The following MAP3K15 variants were observed in gnomAD, a reference collection of about 807,000 sequenced individuals.
MAP3K15 encodes the protein MAPK/ERK kinase kinase 15.
Under a neutral mutation model 99.5 loss-of-function variants are expected in MAP3K15, and 124 were observed. The observed-to-expected ratio is 1.25, with a 90% confidence interval of 1.08 to 1.45. MAP3K15 has a LOEUF of 1.45. Among genes scored for constraint, MAP3K15 ranks in the 40% most tolerant of loss-of-function variants. The pLI, the probability that MAP3K15 is intolerant of heterozygous loss-of-function variation, is 0.00. For synonymous variants in MAP3K15, 494 were observed against 439.6 expected (o/e 1.12, Z -1.55); for missense variants, 1,242 against 1,079.7 (o/e 1.15, Z -2.11).
At chrX:19,509,464 G>T (rs1300580593) in intron 1 of MAP3K15, among the ~76,000 whole-genome samples, 1 of 111,906 alleles carries the variant, frequency 8.9e-6, no homozygotes, top group African/African-American at 3.3e-5. Flanking sequence ...CAACTACGTG[G>T]AAACTGAACA....
intron 25 of MAP3K15, among the ~76,000 whole-genome samples, chrX:19,367,466 T>TAA (rs755577901): frequency 1.0e-5 from 1 of 100,115 alleles, no homozygotes; most frequent in Non-Finnish European, 2.1e-5. Flanking sequence ...CTCTTGAACT[T>TAA]AAAAAAAAAA....
chrX:19,498,476 T>TA (rs2064420795), intron 1 of MAP3K15, among the ~76,000 whole-genome samples: 1 of 111,824 alleles, frequency 8.9e-6, no homozygotes, highest in South Asian at 3.8e-4. Flanking sequence ...AACTCAGACC[T>TA]ATAAAGCAAA....
intron 1 of MAP3K15, among the ~76,000 whole-genome samples, chrX:19,511,294 G>T (rs1204879024): frequency 8.9e-6 from 1 of 111,769 alleles, no homozygotes; most frequent in South Asian, 3.7e-4. Context: ...CAAAAGCAAC[G>T]GCAACAAAAG....
intron 25 of MAP3K15, among the ~76,000 whole-genome samples, chrX:19,367,573 G>A (rs1470515879): frequency 1.1e-5 from 1 of 91,094 alleles, no homozygotes; most frequent in African/African-American, 6.5e-5. Context: ...GAACTTGAGA[G>A]ATCCCTGACA....
chrX:19,495,945 G>C (rs891139123), intron 1 of MAP3K15, among the ~76,000 whole-genome samples: 3 of 110,778 alleles, frequency 2.7e-5, no homozygotes, highest in Non-Finnish European at 3.8e-5. Context: ...GACAGAGTGA[G>C]ACCCCATCTC....
At chrX:19,400,701 G>C in intron 13 of MAP3K15, 38 bp from the exon 14 acceptor site, 1 of 936,308 alleles carries the variant, frequency 1.1e-6, no homozygotes, top group Non-Finnish European at 1.5e-6. Context: ...TGCCAACTCA[G>C]AACTGCTCTC....
At chrX:19,369,464 G>A (rs186716442) in intron 24 of MAP3K15, among the ~76,000 whole-genome samples, 1 of 112,014 alleles carries the variant, frequency 8.9e-6, no homozygotes, top group East Asian at 2.8e-4. Flanking sequence ...AGTGAACCAA[G>A]GCCAGCGTTC....
chrX:19,393,397 G>A (rs1284712029), intron 16 of MAP3K15, among the ~76,000 whole-genome samples: 1 of 112,068 alleles, frequency 8.9e-6, no homozygotes, highest in African/African-American at 3.2e-5. Flanking sequence ...TTGGGAGGCC[G>A]AGGCGGGCAG....
At chrX:19,461,003 AG>A (rs2064129671) in intron 4 of MAP3K15, among the ~76,000 whole-genome samples, 2 of 97,778 alleles carry the variant, frequency 2.0e-5, no homozygotes, top group African/African-American at 8.6e-5. Flanking sequence ...TTCTTAAGAC[AG>A]AGTCTCGCAC....
At position 19,507,527 on chromosome X, in the gene MAP3K15, G is replaced by A. The variant is rs778252710; in HGVS notation, c.361+7374C>T. ...AGGGAGGTCAAGGCTGCGGTGAGCC[G>A]TGATCGCGCTACTGCACTCCAGCCT... On this transcript the variant is annotated intron_variant, in intron 1 of 28. Coordinates refer to ENST00000338883, the MANE Select transcript of MAP3K15 (RefSeq NM_001001671.4). 1.9e-4 allele frequency among the ~76,000 whole-genome samples: 17 copies of A among 87,998 alleles called. No individual in the cohort carries two copies. In the East Asian group the frequency reaches 2.0e-3, roughly 10 times the overall value. The allele number at this position is 87,998 out of a possible 115,157, so 76.4% of individuals were successfully genotyped here.
chrX:19,437,141 A>G (rs1160820990), intron 6 of MAP3K15, among the ~76,000 whole-genome samples: 1 of 111,688 alleles, frequency 9.0e-6, no homozygotes, highest in East Asian at 2.8e-4. Context: ...ACTGGCTTTT[A>G]TTTCAAACTA....
chrX:19,360,878 A>G, intron 28 of MAP3K15, 45 bp from the exon 29 acceptor site: 1 of 1,002,378 alleles, frequency 1.0e-6, no homozygotes. Flanking sequence ...GCTTCAAGCC[A>G]ACAGAGCTTA....
In MAP3K15 at chrX:19,514,810, C is replaced by CGGGGGAGAA. The variant is rs2064549555; in HGVS notation, c.361+82_361+90dup. On this transcript the variant is annotated intron_variant, in intron 1 of 28. Transcript: ENST00000338883. ...GGGAGGGGGACGAGGGGGAGGGGGA[C>CGGGGGAGAA]GGGGGAGAAGGGCGAGGGGGCGGGG... 2.8e-5 allele frequency: 3 copies of CGGGGGAGAA among 107,782 alleles called. No homozygotes were observed. In the East Asian group the frequency reaches 4.9e-4, roughly 18 times the overall value. 8.9% of individuals were successfully genotyped at this position (107,782 alleles called of 1,213,427 possible).
At chrX:19,413,677 T>TGGGG (rs377184850) in intron 10 of MAP3K15, among the ~76,000 whole-genome samples, 17 of 15,851 alleles carry the variant, frequency 1.1e-3, no homozygotes, top group African/African-American at 5.2e-3. Flanking sequence ...TGCCATCTCT[T>TGGGG]GGGGGGGGGG....
At chrX:19,423,367 T>C (rs1278360956) in intron 9 of MAP3K15, among the ~76,000 whole-genome samples, 2 of 81,605 alleles carry the variant, frequency 2.5e-5, no homozygotes, top group African/African-American at 4.8e-5. Flanking sequence ...CTAGTCAAAC[T>C]CACTGTCTTT....
chrX:19,408,297 G>A (rs192596628), intron 12 of MAP3K15, among the ~76,000 whole-genome samples: 2 of 111,749 alleles, frequency 1.8e-5, no homozygotes, highest in Admixed American at 1.9e-4. Flanking sequence ...TCTATGAGGA[G>A]GCACAAACAG....
At chrX:19,418,950 T>A (rs1463492202) in intron 9 of MAP3K15, among the ~76,000 whole-genome samples, 4 of 111,342 alleles carry the variant, frequency 3.6e-5, no homozygotes, top group African/African-American at 1.3e-4. Flanking sequence ...GCTTCATAAG[T>A]GAAGGAGAAA....
intron 1 of MAP3K15, among the ~76,000 whole-genome samples, chrX:19,492,164 TA>T (rs2064372636): frequency 9.1e-6 from 1 of 109,617 alleles, no homozygotes; most frequent in Non-Finnish European, 1.9e-5. Context: ...CAAATATACA[TA>T]AAAAGTAGAC....
chrX:19,388,773 C>T (rs766046979), intron 18 of MAP3K15, among the ~76,000 whole-genome samples: 11 of 111,967 alleles, frequency 9.8e-5, no homozygotes, highest in African/African-American at 2.3e-4. Context: ...CTTCCTGTCC[C>T]GAGTTCTCCC....
Sources: allele counts gnomAD v4.1 joint callset (sites outside exome capture counted in the v4.1 genomes callset), GRCh38; gene constraint gnomAD v4.1.1; transcripts MANE v1.5; gene names NCBI Gene and HGNC (gene_info 2026-07-23, HGNC 2026-07-21).